The following OOSP3 variants were observed in gnomAD, a reference collection of about 807,000 sequenced individuals.
OOSP3 encodes the protein oocyte secreted protein family member 3.
chr11:59,880,225 G>T (rs1024783542), intron 1 of OOSP3, 36 bp from the exon 2 acceptor site: 9 of 397,986 alleles, frequency 2.3e-5, no homozygotes, highest in African/African-American at 1.6e-4. Context: ...GCATAAAATT[G>T]CTATCTAAAT....
intron 2 of OOSP3, among the ~76,000 whole-genome samples, chr11:59,881,386 T>C (rs2134524535): frequency 6.6e-6 from 1 of 151,598 alleles, no homozygotes; most frequent in Admixed American, 6.6e-5. Flanking sequence ...AAGATTGGAA[T>C]TTTTTGATCC....
chr11:59,883,344 T>C (rs148599733), intron 2 of OOSP3, among the ~76,000 whole-genome samples: 100 of 152,312 alleles, frequency 6.6e-4, no homozygotes, highest in African/African-American at 2.3e-3. Flanking sequence ...TTGTTTAAAA[T>C]GATTAGATTT....
intron 4 of OOSP3, among the ~76,000 whole-genome samples, chr11:59,895,880 G>A (rs916206325): frequency 1.5e-4 from 23 of 152,078 alleles, no homozygotes; most frequent in Admixed American, 5.2e-4. Context: ...CTTTACCCTA[G>A]TTATGACAAA....
intron 3 of OOSP3, among the ~76,000 whole-genome samples, chr11:59,894,410 T>C (rs1853338583): frequency 6.6e-6 from 1 of 152,208 alleles, no homozygotes. Flanking sequence ...CCTGCTTCTG[T>C]GTGATCTGGC....
In OOSP3 at chr11:59,884,497, C is replaced by G. The variant is rs1201014395; in HGVS notation, c.252+4058C>G. Reference sequence around the variant, plus strand: ...TCTGTCTCTCTCTCTCTCTCTCTCTCTCTCTCTCTCTCTCTCTCTCTCTAT... The same window carrying G: ...TCTGTCTCTCTCTCTCTCTCTCTCTGTCTCTCTCTCTCTCTCTCTCTCTAT... On this transcript the variant is annotated intron_variant, in intron 2 of 4. Coordinates refer to ENST00000646438, the Ensembl canonical transcript of OOSP3. Among the ~76,000 whole-genome samples the G allele has an allele frequency of 4.7e-5, 7 of 148,638 alleles. No individual in the cohort carries two copies. The South Asian group carries it at 8.7e-4, about 18-fold the overall frequency.
chr11:59,881,002 G>T (rs984223225), intron 2 of OOSP3, among the ~76,000 whole-genome samples: 21 of 152,170 alleles, frequency 1.4e-4, no homozygotes, highest in Non-Finnish European at 2.9e-5. Flanking sequence ...GTCCATGAAT[G>T]AGATTGGTCT....
chr11:59,881,237 C>A (rs1356738767), intron 2 of OOSP3, among the ~76,000 whole-genome samples: 1 of 151,884 alleles, frequency 6.6e-6, no homozygotes, highest in African/African-American at 2.4e-5. Context: ...GTGGCATGTG[C>A]CTGTCCAGTC....
At chr11:59,894,217 A>C (rs1853336404) in intron 3 of OOSP3, 41 bp downstream of exon 3, 2 of 398,310 alleles carry the variant, frequency 5.0e-6, no homozygotes, top group South Asian at 2.6e-4. Flanking sequence ...TTACCCTCTA[A>C]GAACTAATGA....
intron 2 of OOSP3, among the ~76,000 whole-genome samples, chr11:59,884,297 C>A (rs954501867): frequency 6.6e-6 from 1 of 152,146 alleles, no homozygotes; most frequent in Non-Finnish European, 1.5e-5. Flanking sequence ...AATTTTATTT[C>A]CAAATTGTTC....
At chr11:59,881,832 C>G (rs1853204431) in intron 2 of OOSP3, among the ~76,000 whole-genome samples, 1 of 152,120 alleles carries the variant, frequency 6.6e-6, no homozygotes, top group South Asian at 2.1e-4. Context: ...GATCATGCTA[C>G]TGCACTCCAG....
intron 2 of OOSP3, among the ~76,000 whole-genome samples, chr11:59,893,500 G>A (rs537621661): frequency 5.9e-5 from 9 of 152,206 alleles, no homozygotes; most frequent in South Asian, 4.1e-4. Context: ...TGAGTGGCTT[G>A]GAACCACTCA....
chr11:59,886,396 G>A (rs924790185), intron 2 of OOSP3, among the ~76,000 whole-genome samples: 3 of 152,034 alleles, frequency 2.0e-5, no homozygotes, highest in Non-Finnish European at 4.4e-5. Context: ...TATTCTTTTG[G>A]GTATATACCC....
intron 2 of OOSP3, among the ~76,000 whole-genome samples, chr11:59,892,859 A>G (rs1255995059): frequency 6.6e-6 from 1 of 152,204 alleles, no homozygotes; most frequent in Non-Finnish European, 1.5e-5. Context: ...AAAAGCTATC[A>G]TTCTTACTGA....
chr11:59,893,054 C>A (rs1325760390), intron 2 of OOSP3, among the ~76,000 whole-genome samples: 1 of 151,986 alleles, frequency 6.6e-6, no homozygotes, highest in Admixed American at 6.6e-5. Context: ...ACATAATTAC[C>A]AAGAGAAGTA....
intron 3 of OOSP3, among the ~76,000 whole-genome samples, chr11:59,894,585 C>T (rs958735257): frequency 7.9e-5 from 12 of 152,234 alleles, no homozygotes; most frequent in Non-Finnish European, 1.5e-4. Flanking sequence ...GAGGCTAGGA[C>T]TCTGCCTTAA....
intron 2 of OOSP3, among the ~76,000 whole-genome samples, chr11:59,881,209 A>C (rs965643398): frequency 2.0e-5 from 3 of 152,034 alleles, no homozygotes; most frequent in Non-Finnish European, 4.4e-5. Flanking sequence ...AAAATATATA[A>C]AAAATTAGCC....
At chr11:59,884,107 C>CT (rs1246267258) in intron 2 of OOSP3, among the ~76,000 whole-genome samples, 6 of 152,054 alleles carry the variant, frequency 3.9e-5, no homozygotes, top group Non-Finnish European at 7.4e-5. Flanking sequence ...CTTGCCGTGG[C>CT]TTAAATAACA....
intron 2 of OOSP3, among the ~76,000 whole-genome samples, chr11:59,885,827 T>C (rs1853251394): frequency 6.6e-6 from 1 of 152,186 alleles, no homozygotes; most frequent in African/African-American, 2.4e-5. Context: ...CAATACATCA[T>C]AGAATGAGTT....
intron 2 of OOSP3, among the ~76,000 whole-genome samples, chr11:59,886,619 A>C (rs1853262155): frequency 6.6e-6 from 1 of 152,136 alleles, no homozygotes; most frequent in Admixed American, 6.5e-5. Context: ...CAACCTCTCC[A>C]GTATCTGTTG....
Sources: allele counts gnomAD v4.1 joint callset (sites outside exome capture counted in the v4.1 genomes callset), GRCh38; gene constraint gnomAD v4.1.1; transcripts MANE v1.5; gene names NCBI Gene and HGNC (gene_info 2026-07-23, HGNC 2026-07-21).